Variants in BACH1 observed in about 807,000 individuals in gnomAD.
BACH1 encodes BTB domain and CNC homolog 1, also known as transcription regulator protein BACH1.
Under a neutral mutation model 52.9 loss-of-function variants are expected in BACH1, and 35 were observed. The ratio of observed to expected loss-of-function variants is 0.66; its 90% CI spans 0.51 to 0.88. BACH1 has a LOEUF of 0.88. Ranked by LOEUF, BACH1 falls within the 40% of genes least tolerant of loss-of-function variation. BACH1 has a pLI of 0.00. For synonymous variants in BACH1, 321 were observed against 319.6 expected (o/e 1.00, Z -0.05); for missense variants, 808 against 872.6 (o/e 0.93, Z 0.93).
At position 29,344,688 on chromosome 21, in the gene BACH1, ATATCTCTC is replaced by A. The variant is rs2089151449; in HGVS notation, c.*1856_*1863del. ...TGTGTGTATGTGTATGTATACATAT[ATATCTCTC>A]CATATAGGTATTTCTTTGATACTTG... On this transcript the variant is annotated 3_prime_UTR_variant, in exon 5 of 5. Transcript: ENST00000286800. 1.3e-5 allele frequency: 2 copies of A among 151,946 alleles called. No individual in the cohort carries two copies. The highest frequency in any genetic ancestry group is 4.8e-5 in the African/African-American group (2 of 41,254). The allele number at this position is 151,946 out of a possible 1,614,324, so 9.4% of individuals were successfully genotyped here.
At chr21:29,333,449 T>C (rs1450386704) in intron 4 of BACH1, among the ~76,000 whole-genome samples, 1 of 152,242 alleles carries the variant, frequency 6.6e-6, no homozygotes, top group East Asian at 1.9e-4. Context: ...GTCTTTATAG[T>C]CTAAAGATTA....
chr21:29,326,553 A>T lies in BACH1; in HGVS notation c.729A>T (p.Glu243Asp), dbSNP rs34811108. The change falls in exon 3 of 5, where the codon GAA (glutamate) becomes GAT (aspartate). Residue 243 changes from glutamate to aspartate, a missense_variant. By Grantham distance (45) the Glu-to-Asp change is conservative. Transcript: ENST00000286800. ...GAACTGACAGAGTCCGTACTGGGGA[A>T]TCTAGTGTCAAAGACATTCATGCTT... ...AFGTDRVRTG[E>D]SSVKDIHASV... The T allele has an allele frequency of 1.3e-3, 2,135 of 1,614,212 alleles. 27 individuals are homozygous for T. The African/African-American group carries it at 0.025, about 19-fold the overall frequency.
chr21:29,357,236 A>T (rs1317438613), intron 2 of BACH1, among the ~76,000 whole-genome samples: 2 of 152,150 alleles, frequency 1.3e-5, no homozygotes, highest in East Asian at 3.8e-4. Context: ...GCTTACTTTC[A>T]AGTACTGTTA....
chr21:29,303,340 G>A (rs1452268113), intron 1 of BACH1, among the ~76,000 whole-genome samples: 3 of 152,134 alleles, frequency 2.0e-5, no homozygotes, highest in Non-Finnish European at 4.4e-5. Flanking sequence ...GTTTCCTGAT[G>A]GTGAGAATCT....
At chr21:29,329,463 A>C in intron 3 of BACH1, 24 bp from the exon 4 acceptor site, 1 of 1,463,306 alleles carries the variant, frequency 6.8e-7, no homozygotes, top group Non-Finnish European at 9.1e-7. Context: ...AGCAATAATT[A>C]GTAATATTTA....
intron 4 of BACH1, among the ~76,000 whole-genome samples, chr21:29,339,333 G>T (rs1028730185): frequency 2.0e-5 from 3 of 152,044 alleles, no homozygotes; most frequent in South Asian, 4.1e-4. Flanking sequence ...ATGATATCTC[G>T]TGGTAGCTTT....
rs2089128699 is a variant in BACH1, at chr21:29,342,694, G to A, written c.2072G>A (p.Gly691Asp). The change falls in exon 5 of 5, where the codon GGC becomes GAC. Residue 691 changes from glycine to aspartate, a missense_variant. Physicochemically the swap from Gly to Asp is moderately conservative, Grantham distance 94. Transcript: ENST00000286800. Reference protein sequence around the residue: ...PPCARGNSEPGYARGQESQQM... With the variant: ...PPCARGNSEPDYARGQESQQM... ...TGTGCCAGAGGAAACAGTGAGCCTG[G>A]CTACGCGCGAGGGCAGGAGTCCCAG... 6.2e-7 allele frequency: 1 copy of A among 1,614,090 alleles called. No homozygotes were observed. Among genetic ancestry groups the A allele is most frequent in the Admixed American group, 1.7e-5 (1 of 60,010 alleles).
chr21:29,313,533 AG>A (rs1434177613), intron 1 of BACH1, among the ~76,000 whole-genome samples: 2 of 152,262 alleles, frequency 1.3e-5, no homozygotes, highest in Non-Finnish European at 2.9e-5. Context: ...GAACAATGCA[AG>A]GGTACATCTT....
intron 2 of BACH1, among the ~76,000 whole-genome samples, chr21:29,360,853 A>AAC (rs1370738569): frequency 6.6e-6 from 1 of 151,250 alleles, no homozygotes; most frequent in Non-Finnish European, 1.5e-5. Context: ...CTCAAAAAAA[A>AAC]AAAAAAAACA....
downstream of BACH1, among the ~76,000 whole-genome samples, chr21:29,348,185 T>C (rs2089181274): frequency 6.6e-6 from 1 of 152,134 alleles, no homozygotes; most frequent in South Asian, 2.1e-4. Context: ...CTAGGTCCAG[T>C]TGAGATTCTT....
rs1394456363 is a variant in BACH1 at position 29,329,683 on chromosome 21, T to G, written c.1766T>G (p.Ile589Ser). ...LDCIQNLESE[I>S]EKLQSEKESL... ...TGTATACAGAATCTTGAATCAGAAA[T>G]TGAGAAGCTGGTAAGTGTAAAAGTT... is the stretch of plus-strand genomic sequence containing the variant. Residue 589 changes from isoleucine to serine, a missense_variant, in exon 4 of 5, where the codon ATT becomes AGT. Coordinates refer to ENST00000286800, the MANE Select transcript of BACH1 (RefSeq NM_001186.4). 3 of 1,523,850 alleles carry G rather than the reference T, an allele frequency of 2.0e-6. No homozygotes were observed. Among genetic ancestry groups the G allele is most frequent in the Non-Finnish European group, 2.6e-6 (3 of 1,136,586 alleles). The allele number at this position is 1,523,850 out of a possible 1,614,324, so 94.4% of individuals were successfully genotyped here. A position where few individuals can be genotyped will look rare whatever the true frequency, so the allele number is the denominator to read the frequency against.
chr21:29,338,640 A>AT (rs1229826307), intron 4 of BACH1, among the ~76,000 whole-genome samples: 1 of 152,172 alleles, frequency 6.6e-6, no homozygotes, highest in African/African-American at 2.4e-5. Flanking sequence ...AAGTGCTGAG[A>AT]TTTTAGGCAT....
At chr21:29,320,386 A>G (rs1158685028) in intron 1 of BACH1, among the ~76,000 whole-genome samples, 1 of 152,232 alleles carries the variant, frequency 6.6e-6, no homozygotes, top group Non-Finnish European at 1.5e-5. Context: ...TGTCTGAAAA[A>G]TATAGATAAG....
chr21:29,321,502 T>C lies in BACH1; in HGVS notation c.222T>C (p.Thr74=). 6.2e-7 allele frequency: 1 copy of C among 1,613,846 alleles called. No homozygotes were observed. The highest frequency in any genetic ancestry group is 8.5e-7 in the Non-Finnish European group (1 of 1,179,728). The change falls in exon 2 of 5, where the codon ACT becomes ACC. Residue 74 remains threonine (T), a synonymous_variant. Transcript: ENST00000286800. The stretch of plus-strand genomic sequence containing the variant: ...AGGCTGATGGAGAGCTGAACATTAC[T>C]CTTCCAGAAGAGGTGAGAGATCCAT... The part of the protein sequence containing the change: ...VGQADGELNI[T]LPEEVTVKGF...
At position 29,316,100 on chromosome 21, in the gene BACH1, A is replaced by G. The variant is rs564130145; in HGVS notation, c.-60-5121A>G. Among the ~76,000 whole-genome samples the G allele has an allele frequency of 2.6e-5, 4 of 152,312 alleles. No individual in the cohort carries two copies. In the South Asian group the frequency reaches 6.2e-4, roughly 24 times the overall value. ...AATTCTAGCTCTTTTTCACACATGG[A>G]ACTTTATACAAAGTTATCTTCTGAC... On this transcript the variant is annotated intron_variant, in intron 1 of 4. Coordinates refer to ENST00000286800, the MANE Select transcript of BACH1 (RefSeq NM_001186.4).
intron 1 of BACH1, among the ~76,000 whole-genome samples, chr21:29,313,326 G>A (rs2088749052): frequency 6.6e-6 from 1 of 152,210 alleles, no homozygotes; most frequent in South Asian, 2.1e-4. Context: ...CATTGGAATT[G>A]TCATACACTG....
At position 29,352,989 on chromosome 21, in the gene BACH1, A is replaced by T. The variant is rs2089212184; in HGVS notation, c.472+23296A>T. On this transcript the variant is annotated intron_variant, in intron 2 of 4. Coordinates refer to the BACH1 transcript ENST00000422809. Reference sequence around the variant, plus strand: ...CAGCCTCCCAAAGTGCTGAGATTACAGGCATGAGCCACTGTGTCCAGCCTA... The same window carrying T: ...CAGCCTCCCAAAGTGCTGAGATTACTGGCATGAGCCACTGTGTCCAGCCTA... Among the ~76,000 whole-genome samples, 4 of 152,136 alleles carry T rather than the reference A, an allele frequency of 2.6e-5. No individual in the cohort carries two copies. In the South Asian group the frequency reaches 8.3e-4, roughly 32 times the overall value.
At chr21:29,306,817 A>G (rs1741272522) in intron 1 of BACH1, among the ~76,000 whole-genome samples, 1 of 152,220 alleles carries the variant, frequency 6.6e-6, no homozygotes, top group South Asian at 2.1e-4. Context: ...ATGATCAAGT[A>G]GCACTTTTAC....
chr21:29,326,007 G>T lies in BACH1; in HGVS notation c.235-52G>T, dbSNP rs1319797523. ...CCTCTTCTACTTATTTTGTTTTTAT[G>T]TACTAGACAGCTTTCAAATGATGTG... On this transcript the variant is annotated intron_variant, in intron 2 of 4. Transcript: ENST00000286800. 1.3e-6 allele frequency: 2 copies of T among 1,520,256 alleles called. No homozygotes were observed. Among genetic ancestry groups the T allele is most frequent in the Non-Finnish European group, 1.8e-6 (2 of 1,136,296 alleles). 94.2% of individuals were successfully genotyped at this position (1,520,256 alleles called of 1,614,324 possible). A position where few individuals can be genotyped will look rare whatever the true frequency, so the allele number is the denominator to read the frequency against.
Sources: allele counts gnomAD v4.1 joint callset (sites outside exome capture counted in the v4.1 genomes callset), GRCh38; gene constraint gnomAD v4.1.1; transcripts MANE v1.5; gene names NCBI Gene and HGNC (gene_info 2026-07-23, HGNC 2026-07-21).